Variants in SSU72L3 observed in about 807,000 individuals in gnomAD.
SSU72L3 encodes SSU72 like 3, also known as RNA polymerase II subunit A C-terminal domain phosphatase SSU72 like protein 3.
chr11:4,329,952 G>A, the SSU72L3 span: 5 of 742,782 alleles, frequency 6.7e-6, no homozygotes, highest in East Asian at 2.4e-5. Context: ...CAGGAGAAAA[G>A]GGCTAAGTGT....
chr11:4,329,988 G>A, the SSU72L3 span: 6 of 764,310 alleles, frequency 7.9e-6, no homozygotes, highest in Non-Finnish European at 1.5e-5. Flanking sequence ...TGAATCTCAT[G>A]TGAGGCTACC....
chr11:4,329,808 C>G, the SSU72L3 span: 2 of 614,746 alleles, frequency 3.3e-6, no homozygotes, highest in African/African-American at 3.7e-5. Context: ...TCCTCGGCTC[C>G]GAGTCCCTGC....
the SSU72L3 span, chr11:4,330,082 G>A: frequency 7.8e-6 from 6 of 771,444 alleles, no homozygotes; most frequent in Non-Finnish European, 1.2e-5. Flanking sequence ...AGGAAAGATA[G>A]AGAACGCTAC....
At chr11:4,330,673 G>A in the SSU72L3 span, among the ~76,000 whole-genome samples, 2 of 152,234 alleles carry the variant, frequency 1.3e-5, no homozygotes, top group South Asian at 2.1e-4. Context: ...ATTGTGCTAG[G>A]TGCATTACAT....
chr11:4,330,863 A>T, the SSU72L3 span, among the ~76,000 whole-genome samples: 1 of 152,128 alleles, frequency 6.6e-6, no homozygotes, highest in Non-Finnish European at 1.5e-5. Flanking sequence ...TCCTTTTCTC[A>T]ATTTGAGTGG....
the SSU72L3 span, chr11:4,329,857 C>T: frequency 5.8e-5 from 40 of 693,844 alleles, 1 homozygote; most frequent in Non-Finnish European, 8.4e-5. Context: ...TTCCCAGTGG[C>T]CACCATCATG....
chr11:4,330,592 T>G, the SSU72L3 span: 6 of 544,082 alleles, frequency 1.1e-5, 1 homozygote, highest in Admixed American at 3.5e-5. Context: ...GGAAAGAGAC[T>G]ATTACCAAGA....
the SSU72L3 span, chr11:4,329,873 C>T: frequency 8.3e-6 from 6 of 723,138 alleles, no homozygotes; most frequent in Non-Finnish European, 1.5e-5. Flanking sequence ...TCATGCTCTC[C>T]TCCCCACTCA....
chr11:4,330,471 C>T, the SSU72L3 span: 9 of 610,700 alleles, frequency 1.5e-5, no homozygotes, highest in East Asian at 2.5e-4. Context: ...GGCTTTGTCC[C>T]CTTCCTCAGT....
the SSU72L3 span, among the ~76,000 whole-genome samples, chr11:4,330,615 G>A: frequency 6.6e-6 from 1 of 152,058 alleles, no homozygotes; most frequent in Non-Finnish European, 1.5e-5. Flanking sequence ...ATATTTTATG[G>A]GAAATGAGAA....
the SSU72L3 span, among the ~76,000 whole-genome samples, chr11:4,330,800 G>A: frequency 6.6e-5 from 10 of 152,100 alleles, no homozygotes; most frequent in African/African-American, 2.4e-4. Flanking sequence ...ATTTGTTTAA[G>A]GGTATTCAGC....
chr11:4,330,037 C>T, the SSU72L3 span: 4 of 776,172 alleles, frequency 5.2e-6, 1 homozygote, highest in East Asian at 7.3e-5. Context: ...TATGATTTTG[C>T]AACAACATAT....
At chr11:4,329,836 T>C in the SSU72L3 span, 3 of 661,580 alleles carry the variant, frequency 4.5e-6, no homozygotes, top group Non-Finnish European at 8.2e-6. Context: ...GAGGTGCCTG[T>C]GTCTCTCTGG....
the SSU72L3 span, among the ~76,000 whole-genome samples, chr11:4,330,761 C>A: frequency 1.3e-5 from 2 of 150,144 alleles, no homozygotes; most frequent in African/African-American, 2.5e-5. Context: ...ATAAGCAAAC[C>A]GAGCTGATAA....
the SSU72L3 span, chr11:4,330,514 T>G: frequency 1.7e-6 from 1 of 598,356 alleles, no homozygotes; most frequent in East Asian, 2.8e-5. Flanking sequence ...AGTCCGGATT[T>G]ATTGTGAGAA....
chr11:4,330,319 C>T, the SSU72L3 span: 2 of 760,570 alleles, frequency 2.6e-6, no homozygotes, highest in African/African-American at 1.7e-5. Context: ...ACCCTGGGAG[C>T]TTTCCTCATC....
the SSU72L3 span, among the ~76,000 whole-genome samples, chr11:4,330,744 T>G: frequency 6.6e-6 from 1 of 152,198 alleles, no homozygotes; most frequent in Non-Finnish European, 1.5e-5. Context: ...ATGACGCCAT[T>G]TTCCAGATAA....
chr11:4,329,933 C>T, the SSU72L3 span: 5 of 731,940 alleles, frequency 6.8e-6, no homozygotes, highest in Non-Finnish European at 1.3e-5. Context: ...TGGAGGCCCA[C>T]AGCATCCTCA....
chr11:4,330,311 C>T, the SSU72L3 span: 14 of 760,760 alleles, frequency 1.8e-5, no homozygotes, highest in Non-Finnish European at 3.1e-5. Flanking sequence ...AAGATGCCAC[C>T]CTGGGAGCTT....
Sources: gnomAD v4.1 joint callset for allele counts (sites outside exome capture counted in the v4.1 genomes callset) on GRCh38, gnomAD v4.1.1 for gene constraint, MANE v1.5 for transcripts, NCBI Gene and HGNC (gene_info 2026-07-23, HGNC 2026-07-21) for gene names.